The following SORCS3 variants were observed in gnomAD, a reference collection of about 807,000 sequenced individuals.
SORCS3 encodes the protein VPS10 domain-containing receptor SorCS3.
In SORCS3, 57 loss-of-function variants were observed where a neutral mutation model predicts 146.3. The ratio of observed to expected loss-of-function variants is 0.39; its 90% CI spans 0.31 to 0.49. SORCS3 has a LOEUF of 0.49. Ranked by LOEUF, SORCS3 falls within the 20% of genes least tolerant of loss-of-function variation. The pLI, the probability that SORCS3 is intolerant of heterozygous loss-of-function variation, is 0.92. For synonymous variants in SORCS3, 653 were observed against 618.5 expected, an observed-to-expected ratio of 1.06 and a Z score of -0.83; for missense variants, 1,341 against 1,575.5, an observed-to-expected ratio of 0.85 and a Z score of 2.52.
At chr10:104,756,830 A>G (rs1436340784) in intron 1 of SORCS3, among the ~76,000 whole-genome samples, 1 of 152,148 alleles carries the variant, frequency 6.6e-6, no homozygotes, top group Admixed American at 6.5e-5. Context: ...CTGAAAGTTC[A>G]TGCTCTGTGC....
chr10:105,028,696 G>A (rs924964218), intron 4 of SORCS3, among the ~76,000 whole-genome samples: 21 of 152,168 alleles, frequency 1.4e-4, no homozygotes, highest in African/African-American at 5.1e-4. Flanking sequence ...TCCACAGGGT[G>A]GTCGTGGGGA....
intron 5 of SORCS3, among the ~76,000 whole-genome samples, chr10:105,088,851 T>A (rs2055681729): frequency 1.3e-5 from 2 of 152,238 alleles, no homozygotes; most frequent in African/African-American, 4.8e-5. Context: ...ATTTCTAACT[T>A]GCTGCTGCTT....
At chr10:104,843,716 C>T (rs1412964013) in intron 2 of SORCS3, among the ~76,000 whole-genome samples, 1 of 152,228 alleles carries the variant, frequency 6.6e-6, no homozygotes, top group Non-Finnish European at 1.5e-5. Flanking sequence ...TACGCCTATA[C>T]CTCCTCACGT....
At chr10:104,870,295 T>C (rs539418191) in intron 2 of SORCS3, among the ~76,000 whole-genome samples, 13 of 152,368 alleles carry the variant, frequency 8.5e-5, no homozygotes, top group Admixed American at 6.5e-4. Flanking sequence ...AGAGAAACAC[T>C]GATCCACCTT....
chr10:104,954,713 C>T (rs1354080800), intron 3 of SORCS3, among the ~76,000 whole-genome samples: 1 of 152,178 alleles, frequency 6.6e-6, no homozygotes, highest in Non-Finnish European at 1.5e-5. Context: ...TTTCACTAGC[C>T]AGTAGCTGGC....
rs1162184394 is a variant in SORCS3 at position 104,850,694 on chromosome 10, C to T, written c.695+7835C>T. 3.3e-5 allele frequency among the ~76,000 whole-genome samples: 5 copies of T among 152,236 alleles called. No individual in the cohort carries two copies. The South Asian group carries it at 8.3e-4, about 25-fold the overall frequency. ...AGGCCCACCTCTGTTACTAATTAATCAGATTACTCATGCCGTCCTTCTGTT... is the reference window on the plus strand; with the variant it reads ...AGGCCCACCTCTGTTACTAATTAATTAGATTACTCATGCCGTCCTTCTGTT... On this transcript the variant is annotated intron_variant, in intron 2 of 26. Coordinates refer to ENST00000369701, the MANE Select transcript of SORCS3 (RefSeq NM_014978.3).
At chr10:105,135,267 C>T (rs4918148) in intron 7 of SORCS3, among the ~76,000 whole-genome samples, 25,096 of 152,000 alleles carry the variant, frequency 0.17, 2,401 homozygotes, top group Admixed American at 0.22. Context: ...CAGAATGTGG[C>T]GATCAGAGAC....
intron 1 of SORCS3, among the ~76,000 whole-genome samples, chr10:104,745,370 T>C (rs1247822424): frequency 6.6e-6 from 1 of 152,204 alleles, no homozygotes. Flanking sequence ...TATTAGTATA[T>C]ACTTATATAG....
chr10:104,956,273 A>T (rs1217871145), intron 3 of SORCS3, among the ~76,000 whole-genome samples: 1 of 152,232 alleles, frequency 6.6e-6, no homozygotes, highest in African/African-American at 2.4e-5. Flanking sequence ...AGTTTGTCTC[A>T]GTAATGGATT....
chr10:104,662,734 T>C (rs138880269), intron 1 of SORCS3, among the ~76,000 whole-genome samples: 1 of 152,290 alleles, frequency 6.6e-6, no homozygotes, highest in East Asian at 1.9e-4. Context: ...AAGAGCAAGA[T>C]GAGTAAAGGC....
chr10:104,747,451 A>G (rs1228855168), intron 1 of SORCS3, among the ~76,000 whole-genome samples: 1 of 152,196 alleles, frequency 6.6e-6, no homozygotes, highest in Non-Finnish European at 1.5e-5. Context: ...AGTCACCCAC[A>G]TGAATTCTTA....
chr10:104,719,842 G>A (rs1055442148), intron 1 of SORCS3, among the ~76,000 whole-genome samples: 1 of 152,182 alleles, frequency 6.6e-6, no homozygotes, highest in Admixed American at 6.5e-5. Context: ...TTGGAAGTGT[G>A]TGAATGTATG....
chr10:104,866,179 G>T (rs967281449), intron 2 of SORCS3, among the ~76,000 whole-genome samples: 3 of 152,164 alleles, frequency 2.0e-5, no homozygotes, highest in African/African-American at 7.2e-5. Flanking sequence ...AGGGTTTGAA[G>T]TCTGAACAAG....
intron 1 of SORCS3, among the ~76,000 whole-genome samples, chr10:104,644,011 C>G (rs2015461560): frequency 6.6e-6 from 1 of 152,202 alleles, no homozygotes; most frequent in African/African-American, 2.4e-5. Context: ...GCATGGCCTT[C>G]TTTGCTCATC....
intron 5 of SORCS3, among the ~76,000 whole-genome samples, chr10:105,061,516 C>A (rs981476275): frequency 6.6e-6 from 1 of 151,810 alleles, no homozygotes; most frequent in Non-Finnish European, 1.5e-5. Context: ...AGGATGCTCT[C>A]GATCTCCTGA....
intron 2 of SORCS3, among the ~76,000 whole-genome samples, chr10:104,879,965 A>G (rs1249742882): frequency 8.5e-5 from 13 of 152,084 alleles, no homozygotes; most frequent in Admixed American, 8.5e-4. Context: ...GGGGTGGTGG[A>G]GGTGTTAAGC....
chr10:105,227,556 G>C (rs191263192), intron 20 of SORCS3, among the ~76,000 whole-genome samples: 4 of 152,026 alleles, frequency 2.6e-5, no homozygotes, highest in African/African-American at 9.7e-5. Context: ...ATATCTGTTA[G>C]GTCCATTTGG....
intron 6 of SORCS3, among the ~76,000 whole-genome samples, chr10:105,103,868 G>A (rs554309176): frequency 6.6e-6 from 1 of 152,142 alleles, no homozygotes; most frequent in Non-Finnish European, 1.5e-5. Context: ...AAATTAATAT[G>A]TGTAGTAACT....
intron 2 of SORCS3, among the ~76,000 whole-genome samples, chr10:104,912,212 A>G (rs1019100053): frequency 9.8e-5 from 15 of 152,330 alleles, no homozygotes; most frequent in African/African-American, 3.6e-4. Flanking sequence ...CGTTGAGTGC[A>G]TTTGAAAATC....
Sources: allele counts gnomAD v4.1 joint callset (sites outside exome capture counted in the v4.1 genomes callset), GRCh38; gene constraint gnomAD v4.1.1; transcripts MANE v1.5; gene names NCBI Gene and HGNC (gene_info 2026-07-23, HGNC 2026-07-21).